The following FRMPD1 variants were observed in gnomAD, a reference collection of about 807,000 sequenced individuals.
FRMPD1 encodes the protein FERM and PDZ domain-containing protein 1.
Under a neutral mutation model 117.8 loss-of-function variants are expected in FRMPD1, and 76 were observed. The ratio of observed to expected loss-of-function variants is 0.65; its 90% CI spans 0.54 to 0.78. FRMPD1 has a LOEUF of 0.78. Ranked by LOEUF, FRMPD1 falls within the 30% of genes least tolerant of loss-of-function variation. The pLI is 0.00. For missense variants in FRMPD1, 1,786 were observed against 1,964.5 expected, an observed-to-expected ratio of 0.91 and a Z score of 1.72; for synonymous variants, 783 against 770.4, an observed-to-expected ratio of 1.02 and a Z score of -0.27.
At chr9:37,711,122 G>T (rs1240314960) in intron 4 of FRMPD1, among the ~76,000 whole-genome samples, 1 of 152,142 alleles carries the variant, frequency 6.6e-6, no homozygotes, top group Non-Finnish European at 1.5e-5. Flanking sequence ...ATTCCCTCCA[G>T]GTGGGAGGAG....
chr9:37,695,527 G>C (rs904717440), intron 2 of FRMPD1, among the ~76,000 whole-genome samples: 1 of 152,126 alleles, frequency 6.6e-6, no homozygotes, highest in African/African-American at 2.4e-5. Flanking sequence ...CATGTTTCTA[G>C]GATAAATCAT....
upstream of FRMPD1, among the ~76,000 whole-genome samples, chr9:37,648,107 CTT>C (rs765342761): frequency 2.0e-5 from 3 of 152,054 alleles, no homozygotes; most frequent in Non-Finnish European, 4.4e-5. Flanking sequence ...TCCAGGAACT[CTT>C]ATTTTTTAGA....
At chr9:37,658,519 G>A (rs1820906324) in intron 1 of FRMPD1, among the ~76,000 whole-genome samples, 1 of 152,106 alleles carries the variant, frequency 6.6e-6, no homozygotes, top group Non-Finnish European at 1.5e-5. Flanking sequence ...AACAGTTCTG[G>A]AGGCCAGAAG....
chr9:37,727,707 T>C (rs938453857), intron 7 of FRMPD1, among the ~76,000 whole-genome samples: 1 of 148,704 alleles, frequency 6.7e-6, no homozygotes, highest in Non-Finnish European at 1.5e-5. Flanking sequence ...TGGGTAGTTA[T>C]GGGGGGTGAT....
chr9:37,623,769 G>A, the FRMPD1 span, among the ~76,000 whole-genome samples: 5 of 152,220 alleles, frequency 3.3e-5, no homozygotes, highest in African/African-American at 9.6e-5. Flanking sequence ...CTTTAGAGAT[G>A]GGAGTCTACT....
chr9:37,667,061 G>GATTTTTTTTTTT (rs1563923428), intron 1 of FRMPD1, among the ~76,000 whole-genome samples: 1 of 67,004 alleles, frequency 1.5e-5, no homozygotes, highest in Non-Finnish European at 2.5e-5. Context: ...ATTGAAGCAT[G>GATTTTTTTTTTT]CTTTTTTTTT....
chr9:37,705,380 A>C (rs1278674551), intron 2 of FRMPD1, among the ~76,000 whole-genome samples: 4 of 152,036 alleles, frequency 2.6e-5, no homozygotes, highest in Non-Finnish European at 5.9e-5. Context: ...CAGGCTGGAG[A>C]GCAGTGGCAT....
rs1433784846 is a variant in FRMPD1, at chr9:37,679,155, G to A, written c.-4-13483G>A. On this transcript the variant is annotated intron_variant, in intron 1 of 15. Transcript: ENST00000377765. ...TTGCTCCCCACAGACATTGGCATAG[G>A]GCCAGATGTTTGTTGGGTGACAAAC... 2.6e-5 allele frequency among the ~76,000 whole-genome samples: 4 copies of A among 152,208 alleles called. No individual in the cohort carries two copies. The East Asian group carries it at 7.7e-4, about 29-fold the overall frequency.
chr9:37,606,098 A>G, the FRMPD1 span, among the ~76,000 whole-genome samples: 1 of 152,186 alleles, frequency 6.6e-6, no homozygotes, highest in Non-Finnish European at 1.5e-5. Flanking sequence ...AACTTTTTGG[A>G]GCAAGGATGT....
chr9:37,708,939 T>G (rs1822812447), intron 4 of FRMPD1, among the ~76,000 whole-genome samples: 1 of 152,194 alleles, frequency 6.6e-6, no homozygotes, highest in African/African-American at 2.4e-5. Context: ...AGGTGCATCT[T>G]GGTTGGCATA....
intron 9 of FRMPD1, 52 bp from the exon 10 acceptor site, chr9:37,732,252 G>GAC: frequency 2.2e-5 from 35 of 1,597,348 alleles, no homozygotes; most frequent in Non-Finnish European, 2.8e-5. Flanking sequence ...AGAACGAGGG[G>GAC]ACACAGTATG....
At chr9:37,717,950 A>T (rs1309364680) in intron 5 of FRMPD1, among the ~76,000 whole-genome samples, 2 of 152,132 alleles carry the variant, frequency 1.3e-5, no homozygotes, top group African/African-American at 4.8e-5. Flanking sequence ...TATTCCTCCT[A>T]TCCCTTCTGT....
chr9:37,652,866 G>A lies in FRMPD1; in HGVS notation c.-5+1772G>A, dbSNP rs114840817. 9.0e-3 allele frequency among the ~76,000 whole-genome samples: 1,371 copies of A among 152,326 alleles called. 17 individuals are homozygous for A. Among genetic ancestry groups the A allele is most frequent in the African/African-American group, 0.031 (1,286 of 41,568 alleles). On this transcript the variant is annotated intron_variant, in intron 1 of 15. Transcript: ENST00000377765. The stretch of plus-strand genomic sequence containing the variant: ...CAGGATCTTCATTGTGGGCTTTATC[G>A]CCTGGGATTCCTGTGAACACTAAGG...
chr9:37,683,082 A>G (rs1471431005), intron 1 of FRMPD1, among the ~76,000 whole-genome samples: 2 of 152,196 alleles, frequency 1.3e-5, no homozygotes, highest in East Asian at 1.9e-4. Context: ...TCAATTTTCT[A>G]TCTCTATACA....
chr9:37,694,271 A>G (rs970448009), intron 2 of FRMPD1, among the ~76,000 whole-genome samples: 1 of 152,142 alleles, frequency 6.6e-6, no homozygotes, highest in Non-Finnish European at 1.5e-5. Flanking sequence ...GCCTTCCCCG[A>G]CTTGGTGATT....
intron 2 of FRMPD1, among the ~76,000 whole-genome samples, chr9:37,696,631 G>A (rs1003000447): frequency 9.2e-5 from 14 of 152,188 alleles, no homozygotes; most frequent in Admixed American, 3.3e-4. Context: ...GCAAACCAAT[G>A]AGACTAAGGA....
intron 2 of FRMPD1, among the ~76,000 whole-genome samples, chr9:37,697,582 A>AG (rs1194727352): frequency 6.6e-6 from 1 of 151,606 alleles, no homozygotes; most frequent in Non-Finnish European, 1.5e-5. Flanking sequence ...GAAAAAAAAA[A>AG]GAAAAGAAAA....
In FRMPD1 at chr9:37,745,121, A is replaced by G. The variant is rs777801339; in HGVS notation, c.3089A>G (p.Asn1030Ser). ...PNPDRACLASNPGLNNVSQGD... is the reference protein window; with the variant it reads ...PNPDRACLASSPGLNNVSQGD... ...CCAGACAGAGCCTGCCTGGCCAGCA[A>G]CCCAGGACTAAATAATGTCTCTCAA... Residue 1030 changes from asparagine (N) to serine (S), a missense_variant, in exon 16 of 16, where the codon AAC (asparagine) becomes AGC (serine). Coordinates refer to ENST00000377765, the MANE Select transcript of FRMPD1 (RefSeq NM_014907.3). The G allele has an allele frequency of 1.2e-6, 2 of 1,613,968 alleles. No individual in the cohort carries two copies. Among genetic ancestry groups the G allele is most frequent in the Admixed American group, 1.7e-5 (1 of 60,004 alleles).
the FRMPD1 span, among the ~76,000 whole-genome samples, chr9:37,615,250 C>T: frequency 6.6e-6 from 1 of 152,022 alleles, no homozygotes; most frequent in Admixed American, 6.6e-5. Flanking sequence ...GTAGCTGGGA[C>T]CACAGGCATA....
Sources: gnomAD v4.1 joint callset for allele counts (sites outside exome capture counted in the v4.1 genomes callset) on GRCh38, gnomAD v4.1.1 for gene constraint, MANE v1.5 for transcripts, NCBI Gene and HGNC (gene_info 2026-07-23, HGNC 2026-07-21) for gene names.